Variants in WDR41 observed in about 807,000 individuals in gnomAD.
WDR41 encodes WD repeat-containing protein 41.
Under a neutral mutation model 69.3 loss-of-function variants are expected in WDR41, and 63 were observed. The ratio of observed to expected loss-of-function variants is 0.91; its 90% CI spans 0.74 to 1.12. WDR41 has a LOEUF of 1.12. Among genes scored for constraint, WDR41 ranks in the 50% most tolerant of loss-of-function variants. The pLI is 0.00. For missense variants in WDR41, 543 were observed against 534.5 expected, an observed-to-expected ratio of 1.02 and a Z score of -0.16; for synonymous variants, 185 against 192.1, an observed-to-expected ratio of 0.96 and a Z score of 0.31.
chr5:77,492,746 A>G (rs1801869489), upstream of WDR41: 1 of 154,610 alleles, frequency 6.5e-6, no homozygotes, highest in African/African-American at 2.4e-5. Context: ...CATCCAGACA[A>G]ATCCAGTGGC....
intron 1 of WDR41, among the ~76,000 whole-genome samples, chr5:77,490,079 C>T (rs1801703414): frequency 6.6e-6 from 1 of 151,050 alleles, no homozygotes; most frequent in Non-Finnish European, 1.5e-5. Flanking sequence ...AAACTTGATG[C>T]TGACATTTTG....
chr5:77,502,156 C>G (rs1033962840), intron 1 of WDR41, among the ~76,000 whole-genome samples: 16 of 152,056 alleles, frequency 1.1e-4, no homozygotes, highest in African/African-American at 2.9e-4. Context: ...CTAGAATAAA[C>G]AGTATAGAGA....
chr5:77,618,435 C>T (rs192629712), intron 1 of WDR41, among the ~76,000 whole-genome samples: 250 of 151,984 alleles, frequency 1.6e-3, no homozygotes, highest in Middle Eastern at 6.8e-3. Flanking sequence ...TGCAGTGGCA[C>T]GATCTCAGCT....
intron 2 of WDR41, among the ~76,000 whole-genome samples, chr5:77,478,298 A>G (rs1223400334): frequency 1.3e-5 from 2 of 152,240 alleles, no homozygotes; most frequent in Non-Finnish European, 2.9e-5. Context: ...CAATAGTAAA[A>G]GAGGGAATCC....
At chr5:77,434,875 T>G (rs1467959953) in intron 12 of WDR41, among the ~76,000 whole-genome samples, 1 of 151,864 alleles carries the variant, frequency 6.6e-6, no homozygotes, top group Non-Finnish European at 1.5e-5. Flanking sequence ...CAAACACATT[T>G]TGAATGTCTT....
intron 6 of WDR41, among the ~76,000 whole-genome samples, chr5:77,453,489 A>T (rs1799702805): frequency 6.6e-6 from 1 of 152,190 alleles, no homozygotes; most frequent in African/African-American, 2.4e-5. Context: ...TTAGGCATTT[A>T]TTCAAAGTTA....
At chr5:77,539,343 G>T (rs1743046654) in intron 1 of WDR41, among the ~76,000 whole-genome samples, 2 of 152,126 alleles carry the variant, frequency 1.3e-5, no homozygotes, top group South Asian at 4.1e-4. Flanking sequence ...AAGTTAATCT[G>T]CCTTTTTTAT....
rs201468759 is a variant in WDR41 at position 77,449,874 on chromosome 5, A to C, written c.587-4T>G. On this transcript the variant is annotated splice_polypyrimidine_tract_variant and splice_region_variant and intron_variant, in intron 7 of 12. Coordinates refer to ENST00000296679, the MANE Select transcript of WDR41 (RefSeq NM_018268.4). ...GGTGCTACCAACCTGAAAATTACTAAATGAAAAAGACAGATAAAATTTTAT... is the reference window on the plus strand; with the variant it reads ...GGTGCTACCAACCTGAAAATTACTACATGAAAAAGACAGATAAAATTTTAT... 6.3e-7 allele frequency: 1 copy of C among 1,587,622 alleles called. No homozygotes were observed. Among genetic ancestry groups the C allele is most frequent in the Non-Finnish European group, 8.6e-7 (1 of 1,157,090 alleles).
chr5:77,595,469 C>T (rs980241775), intron 1 of WDR41, among the ~76,000 whole-genome samples: 1 of 152,112 alleles, frequency 6.6e-6, no homozygotes. Flanking sequence ...TGTCAAATTG[C>T]CCCCAAAACC....
At chr5:77,462,889 C>G (rs1800133746) in intron 4 of WDR41, among the ~76,000 whole-genome samples, 1 of 152,172 alleles carries the variant, frequency 6.6e-6, no homozygotes, top group Admixed American at 6.5e-5. Context: ...CACGGAGTTT[C>G]CATCAATAAC....
intron 1 of WDR41, among the ~76,000 whole-genome samples, chr5:77,526,453 T>C (rs1802448644): frequency 6.6e-6 from 1 of 152,174 alleles, no homozygotes. Context: ...AATATGTATT[T>C]CTATTTTACT....
At chr5:77,523,654 A>G (rs1802405542) in intron 1 of WDR41, among the ~76,000 whole-genome samples, 1 of 152,174 alleles carries the variant, frequency 6.6e-6, no homozygotes, top group African/African-American at 2.4e-5. Flanking sequence ...GGCAACACAG[A>G]TACCTGGAAT....
intron 1 of WDR41, among the ~76,000 whole-genome samples, chr5:77,578,837 C>G (rs1290396485): frequency 1.6e-5 from 2 of 122,970 alleles, no homozygotes; most frequent in Non-Finnish European, 1.6e-5. Context: ...GCACTCTAGT[C>G]TGAGTGACAA....
At chr5:77,577,885 C>T (rs1743861850) in intron 1 of WDR41, among the ~76,000 whole-genome samples, 1 of 152,142 alleles carries the variant, frequency 6.6e-6, no homozygotes, top group South Asian at 2.1e-4. Flanking sequence ...TTAGCCTAGC[C>T]TAACTTAAAA....
At chr5:77,565,974 T>C (rs1006979246) in intron 1 of WDR41, among the ~76,000 whole-genome samples, 12 of 152,158 alleles carry the variant, frequency 7.9e-5, no homozygotes, top group South Asian at 4.2e-4. Context: ...GATATATATA[T>C]TGACTCATTT....
chr5:77,521,318 G>C (rs759081493), intron 1 of WDR41, among the ~76,000 whole-genome samples: 9 of 152,268 alleles, frequency 5.9e-5, no homozygotes, highest in Non-Finnish European at 1.2e-4. Flanking sequence ...TGCCGAGGCT[G>C]ATCTGACAGG....
At chr5:77,527,364 T>C (rs181251671) in intron 1 of WDR41, among the ~76,000 whole-genome samples, 59 of 152,022 alleles carry the variant, frequency 3.9e-4, no homozygotes, top group African/African-American at 1.4e-3. Context: ...CAAGCAGTCA[T>C]ATTTAAGGCA....
At chr5:77,523,411 T>C (rs1802401976) in intron 1 of WDR41, among the ~76,000 whole-genome samples, 1 of 152,164 alleles carries the variant, frequency 6.6e-6, no homozygotes, top group Non-Finnish European at 1.5e-5. Flanking sequence ...TTACAACTTT[T>C]CTGAGGGGAA....
At chr5:77,463,069 T>C (rs774569812) in intron 4 of WDR41, 26 bp downstream of exon 4, 2 of 1,609,276 alleles carry the variant, frequency 1.2e-6, no homozygotes, top group Admixed American at 3.4e-5. Context: ...CTACAGCTTG[T>C]TCATTTCTTC....
Sources: allele counts gnomAD v4.1 joint callset (sites outside exome capture counted in the v4.1 genomes callset), GRCh38; gene constraint gnomAD v4.1.1; transcripts MANE v1.5; gene names NCBI Gene and HGNC (gene_info 2026-07-23, HGNC 2026-07-21).